The following RPP40 variants were observed in gnomAD, a reference collection of about 807,000 sequenced individuals.
RPP40 encodes the protein ribonuclease P/MRP subunit p40.
RPP40 carries 30 observed loss-of-function variants against 42.5 expected under a neutral mutation model. The observed-to-expected ratio is 0.71, with a 90% CI of 0.53 to 0.96. RPP40 has a LOEUF of 0.96. Among genes scored for constraint, RPP40 ranks in the 40% least tolerant of loss-of-function variants. The pLI is 0.00. For synonymous variants in RPP40, 173 were observed against 164.0 expected (o/e 1.05, Z -0.42); for missense variants, 426 against 433.5 (o/e 0.98, Z 0.15).
At position 5,003,944 on chromosome 6, in the gene RPP40, G is replaced by A. The variant is rs933413868; in HGVS notation, c.59C>T (p.Ser20Phe). Residue 20 changes from serine (S) to phenylalanine (F), a missense_variant, in exon 1 of 8, where the codon TCC (serine) becomes TTC (phenylalanine). Transcript: ENST00000380051. ...GCGCGACTTGTGGTTGCCGAAGTTG[G>A]ATTTCTCGCAAACCAGTAAGTGCCG... The part of the protein sequence containing the change: ...APRHLLVCEK[S>F]NFGNHKSRHR... The A allele has an allele frequency of 1.9e-6, 3 of 1,613,538 alleles. No individual in the cohort carries two copies. Among genetic ancestry groups the A allele is most frequent in the Admixed American group, 1.7e-5 (1 of 59,992 alleles).
chr6:5,001,824 C>A, intron 2 of RPP40: 2 of 284,102 alleles, frequency 7.0e-6, no homozygotes, highest in South Asian at 8.1e-5. Flanking sequence ...GACTGCAAGT[C>A]TCTCCTCTCC....
chr6:5,002,248 A>G lies in RPP40; in HGVS notation c.124-3T>C. On this transcript the variant is annotated splice_region_variant and splice_polypyrimidine_tract_variant and intron_variant, in intron 1 of 7. Transcript: ENST00000380051. ...CATTCAGGAATGAGAAATGAAACCT[A>G]TTGGAATGTGTAATACAAACAAGGT... The G allele has an allele frequency of 2.5e-6, 4 of 1,610,628 alleles. No homozygotes were observed. Among genetic ancestry groups the G allele is most frequent in the Non-Finnish European group, 3.4e-6 (4 of 1,178,692 alleles).
rs746540990 is a variant in RPP40 at position 4,996,104 on chromosome 6, AAGAG to A, written c.759-23_759-20del. 31 of 1,612,992 alleles carry A rather than the reference AAGAG, an allele frequency of 1.9e-5. No homozygotes were observed. The highest frequency in any genetic ancestry group is 2.7e-5 in the African/African-American group (2 of 74,632). On this transcript the variant is annotated intron_variant, in intron 6 of 7. Transcript: ENST00000380051. ...ATTATTTCTGTCACCAAAAAAATAA[AAGAG>A]AGAGAGATAACACATGTATATCCAT...
chr6:4,991,599 A>G (rs948294712), downstream of RPP40, among the ~76,000 whole-genome samples: 3 of 152,162 alleles, frequency 2.0e-5, no homozygotes, highest in Non-Finnish European at 4.4e-5. Context: ...TGTTCTGTCA[A>G]TTATTGAGGG....
intron 2 of RPP40, among the ~76,000 whole-genome samples, chr6:5,001,400 A>G (rs191118831): frequency 2.0e-5 from 3 of 152,348 alleles, no homozygotes; most frequent in Admixed American, 2.0e-4. Context: ...AAGTCGCCCC[A>G]GCAGTGTCAG....
intron 1 of RPP40, 199 bp downstream of exon 1, chr6:5,003,680 TG>T: frequency 1.7e-6 from 1 of 579,436 alleles, no homozygotes; most frequent in Non-Finnish European, 2.8e-6. Flanking sequence ...CGGCGCATCC[TG>T]GGAGTTGTAG....
rs1040814112 is a variant in RPP40, at chr6:5,000,622, T to C, written c.278A>G (p.Tyr93Cys). 4.4e-6 allele frequency: 7 copies of C among 1,588,638 alleles called. No individual in the cohort carries two copies. Among genetic ancestry groups the C allele is most frequent in the Admixed American group, 3.4e-5 (2 of 59,546 alleles). Residue 93 changes from tyrosine to cysteine, a missense_variant, in exon 3 of 8, where the codon TAT becomes TGT. Coordinates refer to ENST00000380051, the MANE Select transcript of RPP40 (RefSeq NM_006638.4). ...AATATGTGTATTGTATGTTAGTGCA[T>C]AGCAAGAACCTGGAAGAGAAAGTAC... ...ISTFIKKGSCYALTYNTHIDE... is the reference protein window; with the variant it reads ...ISTFIKKGSCCALTYNTHIDE...
intron 4 of RPP40, among the ~76,000 whole-genome samples, 181 bp downstream of exon 4, chr6:4,999,628 G>A (rs1245290540): frequency 2.6e-5 from 4 of 152,112 alleles, no homozygotes; most frequent in African/African-American, 9.7e-5. Context: ...TGCATCTACA[G>A]CTGAAAAGAA....
At chr6:5,000,534 T>G in intron 3 of RPP40, 29 bp downstream of exon 3, 1 of 1,262,352 alleles carries the variant, frequency 7.9e-7, no homozygotes, top group South Asian at 1.3e-5. Context: ...TTTTAACAAT[T>G]AAAGAAAGAT....
downstream of RPP40, among the ~76,000 whole-genome samples, chr6:4,993,807 T>C (rs778445429): frequency 2.6e-5 from 4 of 151,940 alleles, no homozygotes; most frequent in African/African-American, 4.8e-5. Flanking sequence ...TTCACAGGGG[T>C]TGGGGGGATG....
chr6:5,003,453 T>A lies in RPP40; in HGVS notation c.123+427A>T, dbSNP rs916049516. On this transcript the variant is annotated intron_variant, in intron 1 of 7. Coordinates refer to ENST00000380051, the MANE Select transcript of RPP40 (RefSeq NM_006638.4). ...ACGCAGGTGGGAGAGGGATTCAAGC[T>A]GGGGAGGAGGCAGTGGTGGGGAGGA... The A allele has an allele frequency of 1.9e-5, 3 of 158,294 alleles. No individual in the cohort carries two copies. The South Asian group carries it at 5.5e-4, about 29-fold the overall frequency. The allele number at this position is 158,294 out of a possible 1,614,324, so 9.8% of individuals were successfully genotyped here. A position where few individuals can be genotyped will look rare whatever the true frequency, so the allele number is the denominator to read the frequency against.
At chr6:5,002,582 A>G (rs1759595762) in intron 1 of RPP40, among the ~76,000 whole-genome samples, 1 of 152,200 alleles carries the variant, frequency 6.6e-6, no homozygotes, top group African/African-American at 2.4e-5. Context: ...ATTTTCAAGG[A>G]AATATAGTAT....
chr6:4,992,306 T>C (rs535134300), downstream of RPP40, among the ~76,000 whole-genome samples: 1 of 149,692 alleles, frequency 6.7e-6, no homozygotes, highest in East Asian at 2.0e-4. Context: ...GAGGTGGAGG[T>C]TGCAGTGAGC....
intron 5 of RPP40, among the ~76,000 whole-genome samples, chr6:4,996,967 A>T (rs1759403317): frequency 6.6e-6 from 1 of 152,140 alleles, no homozygotes; most frequent in African/African-American, 2.4e-5. Context: ...GTATAATAGA[A>T]ATAATGTCAC....
intron 2 of RPP40, among the ~76,000 whole-genome samples, chr6:5,000,890 C>A (rs1227908142): frequency 1.4e-5 from 2 of 146,746 alleles, no homozygotes; most frequent in African/African-American, 5.3e-5. Flanking sequence ...TTGCAGAAGA[C>A]CAAGCATGCA....
chr6:4,990,085 T>C (rs275252), downstream of RPP40, among the ~76,000 whole-genome samples: 45,149 of 151,950 alleles, frequency 0.3, 7,226 homozygotes, highest in African/African-American at 0.43. Context: ...TAGATGCCCT[T>C]GATCAGATTG....
chr6:5,003,771 TC>T (rs1478387341), intron 1 of RPP40, 108 bp downstream of exon 1: 1 of 1,394,978 alleles, frequency 7.2e-7, no homozygotes. Context: ...GCCCCGCCCC[TC>T]CGCGTACCGC....
chr6:4,996,938 C>A (rs1311134630), intron 5 of RPP40, among the ~76,000 whole-genome samples: 1 of 152,330 alleles, frequency 6.6e-6, no homozygotes, highest in Admixed American at 6.5e-5. Flanking sequence ...CGGCAAAGGG[C>A]AGGCTTGCTT....
At chr6:4,999,765 G>T in intron 4 of RPP40, 44 bp downstream of exon 4, 2 of 1,083,068 alleles carry the variant, frequency 1.8e-6, no homozygotes, top group Non-Finnish European at 2.8e-6. Context: ...AATTTAAATT[G>T]CCACAAGAAG....
Sources: gnomAD v4.1 joint callset for allele counts (sites outside exome capture counted in the v4.1 genomes callset) on GRCh38, gnomAD v4.1.1 for gene constraint, MANE v1.5 for transcripts, NCBI Gene and HGNC (gene_info 2026-07-23, HGNC 2026-07-21) for gene names.